Variants in COX7B2 observed in about 807,000 individuals in gnomAD.
COX7B2 encodes cytochrome c oxidase subunit 7B2, also known as cytochrome c oxidase subunit 7B2, mitochondrial.
For synonymous variants in COX7B2, 37 were observed against 32.1 expected, an observed-to-expected ratio of 1.15 and a Z score of -0.51; for missense variants, 109 against 95.9, an observed-to-expected ratio of 1.14 and a Z score of -0.57.
intron 2 of COX7B2, among the ~76,000 whole-genome samples, chr4:46,793,121 G>C (rs1394885428): frequency 1.3e-5 from 2 of 152,202 alleles, no homozygotes; most frequent in African/African-American, 4.8e-5. Context: ...TGTAGACTAA[G>C]AGTATATATT....
intron 2 of COX7B2, among the ~76,000 whole-genome samples, chr4:46,750,241 CACAT>C (rs1715283171): frequency 2.1e-5 from 3 of 144,544 alleles, no homozygotes; most frequent in Non-Finnish European, 4.6e-5. Flanking sequence ...CACACACACA[CACAT>C]TATCCAGGTG....
intron 2 of COX7B2, among the ~76,000 whole-genome samples, chr4:46,750,275 T>A (rs1441249239): frequency 6.8e-6 from 1 of 147,592 alleles, no homozygotes; most frequent in Non-Finnish European, 1.5e-5. Context: ...ATGCCTGTAG[T>A]CCTAGCTACT....
Position 46,763,366 on chromosome 4 carries a change from T to C in COX7B2, c.-49-28125A>G, listed in dbSNP as rs542521703. On this transcript the variant is annotated intron_variant, in intron 2 of 2. Transcript: ENST00000355591. ...CATGTTTGTGTATGTGTGTTCTTTA[T>C]GTTACATGGTCTTACAGCAGGCCCA... is the stretch of plus-strand genomic sequence containing the variant. 2.6e-5 allele frequency among the ~76,000 whole-genome samples: 4 copies of C among 151,130 alleles called. No homozygotes were observed. In the South Asian group the frequency reaches 8.3e-4, roughly 31 times the overall value.
intron 2 of COX7B2, among the ~76,000 whole-genome samples, chr4:46,804,785 G>C (rs113917475): frequency 1.3e-5 from 2 of 152,348 alleles, no homozygotes; most frequent in East Asian, 3.9e-4. Flanking sequence ...ATCCCCTACC[G>C]GGGCCGCAGG....
At chr4:46,778,008 T>C (rs887629923) in intron 2 of COX7B2, among the ~76,000 whole-genome samples, 1 of 152,130 alleles carries the variant, frequency 6.6e-6, no homozygotes, top group African/African-American at 2.4e-5. Context: ...ATATAGTAAA[T>C]ATTTAATAAA....
At chr4:46,797,665 G>T (rs1313057161) in intron 2 of COX7B2, among the ~76,000 whole-genome samples, 1 of 152,120 alleles carries the variant, frequency 6.6e-6, no homozygotes, top group African/African-American at 2.4e-5. Context: ...AAGGATACAG[G>T]GGCAATGATT....
chr4:46,864,899 C>T (rs550568449), intron 1 of COX7B2, among the ~76,000 whole-genome samples: 1 of 152,190 alleles, frequency 6.6e-6, no homozygotes, highest in Non-Finnish European at 1.5e-5. Context: ...CCGCCTCAGC[C>T]TCCCAAAGTG....
chr4:46,788,174 C>T (rs1717850453), intron 2 of COX7B2, among the ~76,000 whole-genome samples: 2 of 152,092 alleles, frequency 1.3e-5, no homozygotes, highest in Non-Finnish European at 2.9e-5. Context: ...GAAAGAAGCT[C>T]CATATTGCAT....
chr4:46,856,385 G>C (rs1347450258), intron 1 of COX7B2, among the ~76,000 whole-genome samples: 1 of 152,154 alleles, frequency 6.6e-6, no homozygotes, highest in African/African-American at 2.4e-5. Context: ...ATTCAGTCCT[G>C]CTTCACTCCA....
At chr4:46,854,501 C>A (rs75784455) in intron 1 of COX7B2, among the ~76,000 whole-genome samples, 133 of 152,320 alleles carry the variant, frequency 8.7e-4, no homozygotes, top group African/African-American at 3.1e-3. Flanking sequence ...GCAGACACTT[C>A]CATCACTGCT....
At chr4:46,763,037 A>T (rs910599921) in intron 2 of COX7B2, among the ~76,000 whole-genome samples, 45 of 134,568 alleles carry the variant, frequency 3.3e-4, no homozygotes, top group African/African-American at 1.2e-3. Context: ...AATATAATAT[A>T]TATTATATAT....
chr4:46,875,250 A>G (rs1429103269), intron 1 of COX7B2, among the ~76,000 whole-genome samples: 1 of 152,238 alleles, frequency 6.6e-6, no homozygotes, highest in Non-Finnish European at 1.5e-5. Context: ...AATTAAAGGC[A>G]TTTTAAACTC....
At chr4:46,819,737 T>TA (rs1714144005) in intron 2 of COX7B2, among the ~76,000 whole-genome samples, 1 of 152,202 alleles carries the variant, frequency 6.6e-6, no homozygotes, top group African/African-American at 2.4e-5. Flanking sequence ...TATTACAATG[T>TA]ATCAGCTGTT....
chr4:46,763,782 A>G (rs1716363440), intron 2 of COX7B2, among the ~76,000 whole-genome samples: 1 of 152,188 alleles, frequency 6.6e-6, no homozygotes, highest in East Asian at 1.9e-4. Context: ...AAGCTGCATA[A>G]ACACAGATGT....
chr4:46,877,568 A>T (rs1718424122), intron 1 of COX7B2, among the ~76,000 whole-genome samples: 1 of 152,212 alleles, frequency 6.6e-6, no homozygotes, highest in African/African-American at 2.4e-5. Context: ...TGGGCAAAGA[A>T]CATGAATAGA....
intron 1 of COX7B2, among the ~76,000 whole-genome samples, chr4:46,892,838 G>T (rs577564875): frequency 6.6e-6 from 1 of 152,116 alleles, no homozygotes; most frequent in Non-Finnish European, 1.5e-5. Flanking sequence ...CATAAGTGTC[G>T]CAAGAGGGAC....
At chr4:46,780,155 G>C (rs927086483) in intron 2 of COX7B2, among the ~76,000 whole-genome samples, 1 of 152,082 alleles carries the variant, frequency 6.6e-6, no homozygotes. Context: ...AGGGTTACAT[G>C]GTTGGAATAT....
chr4:46,861,922 A>C (rs1717356789), intron 1 of COX7B2, among the ~76,000 whole-genome samples: 1 of 152,000 alleles, frequency 6.6e-6, no homozygotes, highest in African/African-American at 2.4e-5. Flanking sequence ...GTCATGAGAC[A>C]CCCCTCCCTG....
At chr4:46,901,493 A>T (rs1452401038) in intron 1 of COX7B2, among the ~76,000 whole-genome samples, 1 of 152,232 alleles carries the variant, frequency 6.6e-6, no homozygotes, top group Non-Finnish European at 1.5e-5. Context: ...TGCATCTAAT[A>T]AAACAAATTT....
Sources: allele counts gnomAD v4.1 joint callset (sites outside exome capture counted in the v4.1 genomes callset), GRCh38; gene constraint gnomAD v4.1.1; transcripts MANE v1.5; gene names NCBI Gene and HGNC (gene_info 2026-07-23, HGNC 2026-07-21).